Variants in MYO3B observed in about 807,000 individuals in gnomAD.
MYO3B encodes myosin-IIIb.
MYO3B carries 156 observed loss-of-function variants against 174.6 expected under a neutral mutation model. The ratio of observed to expected loss-of-function variants is 0.89; its 90% CI spans 0.78 to 1.02. The LOEUF (loss-of-function observed/expected upper bound fraction) is 1.02. Among genes scored for constraint, MYO3B ranks in the 50% least tolerant of loss-of-function variants. The pLI is 0.00. For synonymous variants in MYO3B, 563 were observed against 569.1 expected, an observed-to-expected ratio of 0.99 and a Z score of 0.15; for missense variants, 1,632 against 1,639.4, an observed-to-expected ratio of 1.00 and a Z score of 0.08.
intron 17 of MYO3B, among the ~76,000 whole-genome samples, chr2:170,400,657 C>CG (rs1491374145): frequency 7.6e-6 from 1 of 131,816 alleles, no homozygotes; most frequent in Non-Finnish European, 1.8e-5. Flanking sequence ...CCCCCCCCCC[C>CG]TCGGCCTCCC....
chr2:170,451,234 G>A (rs914586339), intron 23 of MYO3B, among the ~76,000 whole-genome samples: 1 of 152,112 alleles, frequency 6.6e-6, no homozygotes, highest in Non-Finnish European at 1.5e-5. Flanking sequence ...TTTCATTTTT[G>A]GTGAAAAGCC....
chr2:170,280,941 AGT>A (rs1559356416), intron 7 of MYO3B, among the ~76,000 whole-genome samples: 1 of 152,088 alleles, frequency 6.6e-6, no homozygotes, highest in African/African-American at 2.4e-5. Context: ...TTTGCTTAGG[AGT>A]GCCTTGGCTA....
At chr2:170,195,946 ATTTG>A (rs1267092894) in intron 1 of MYO3B, among the ~76,000 whole-genome samples, 3 of 152,136 alleles carry the variant, frequency 2.0e-5, no homozygotes, top group Non-Finnish European at 4.4e-5. Context: ...ATACCTAAAA[ATTTG>A]TTTCTCTACC....
chr2:170,331,924 T>G (rs558064386), intron 7 of MYO3B, among the ~76,000 whole-genome samples: 1 of 152,308 alleles, frequency 6.6e-6, no homozygotes, highest in African/African-American at 2.4e-5. Context: ...TGCCTCCCTC[T>G]TCCACTTTAA....
chr2:170,608,733 C>T (rs1575240618), intron 32 of MYO3B, among the ~76,000 whole-genome samples: 1 of 152,090 alleles, frequency 6.6e-6, no homozygotes, highest in African/African-American at 2.4e-5. Context: ...TTCAGCACTT[C>T]CAGCCTCTCA....
chr2:170,540,136 A>G (rs1440793693), intron 30 of MYO3B, among the ~76,000 whole-genome samples: 1 of 152,122 alleles, frequency 6.6e-6, no homozygotes, highest in Non-Finnish European at 1.5e-5. Context: ...AGCCTGTGCA[A>G]TATAGTGAGA....
At chr2:170,458,681 T>G (rs1684052512) in intron 23 of MYO3B, among the ~76,000 whole-genome samples, 1 of 152,202 alleles carries the variant, frequency 6.6e-6, no homozygotes, top group South Asian at 2.1e-4. Context: ...TTTGGAGTTT[T>G]GGGGCTGGCT....
intron 7 of MYO3B, among the ~76,000 whole-genome samples, chr2:170,303,703 T>C (rs1449042496): frequency 6.6e-6 from 1 of 152,152 alleles, no homozygotes; most frequent in Non-Finnish European, 1.5e-5. Flanking sequence ...AATCTCTCCA[T>C]TACATGGAGC....
chr2:170,462,241 AT>A (rs1684339476), intron 23 of MYO3B, among the ~76,000 whole-genome samples: 1 of 152,244 alleles, frequency 6.6e-6, no homozygotes, highest in Non-Finnish European at 1.5e-5. Flanking sequence ...CGTGCAGCTC[AT>A]TAAAATAAAG....
At chr2:170,282,901 C>A (rs1046721501) in intron 7 of MYO3B, among the ~76,000 whole-genome samples, 1 of 152,220 alleles carries the variant, frequency 6.6e-6, no homozygotes, top group African/African-American at 2.4e-5. Flanking sequence ...TACTTTGGCT[C>A]CCCTTTCCCC....
At chr2:170,496,349 C>T (rs1686854333) in intron 25 of MYO3B, among the ~76,000 whole-genome samples, 1 of 152,118 alleles carries the variant, frequency 6.6e-6, no homozygotes, top group Non-Finnish European at 1.5e-5. Context: ...GGAGGGATAT[C>T]TTTCACATTT....
chr2:170,363,364 T>C (rs2094175678), intron 8 of MYO3B, among the ~76,000 whole-genome samples: 1 of 152,160 alleles, frequency 6.6e-6, no homozygotes, highest in African/African-American at 2.4e-5. Context: ...TTTTATTCAT[T>C]GGTAAACAAC....
chr2:170,634,742 G>A (rs536417612), intron 32 of MYO3B, among the ~76,000 whole-genome samples: 1 of 152,186 alleles, frequency 6.6e-6, no homozygotes, highest in Admixed American at 6.5e-5. Flanking sequence ...CTGAAATCCA[G>A]AATCTACAAA....
At chr2:170,559,753 T>A (rs1469041727) in intron 32 of MYO3B, among the ~76,000 whole-genome samples, 2 of 152,162 alleles carry the variant, frequency 1.3e-5, no homozygotes, top group Non-Finnish European at 2.9e-5. Flanking sequence ...CACTCTATCC[T>A]AGACTAGAGC....
At chr2:170,585,100 G>C (rs1693413641) in intron 32 of MYO3B, among the ~76,000 whole-genome samples, 1 of 152,164 alleles carries the variant, frequency 6.6e-6, no homozygotes, top group Non-Finnish European at 1.5e-5. Flanking sequence ...ATTGTTCTGG[G>C]GTGTGGCCTG....
At chr2:170,472,754 T>C (rs1441158034) in intron 25 of MYO3B, among the ~76,000 whole-genome samples, 1 of 151,958 alleles carries the variant, frequency 6.6e-6, no homozygotes, top group Non-Finnish European at 1.5e-5. Context: ...CAGGCTGGAA[T>C]GCAGTGGCAC....
At chr2:170,578,827 G>C (rs1319028511) in intron 32 of MYO3B, among the ~76,000 whole-genome samples, 2 of 152,250 alleles carry the variant, frequency 1.3e-5, no homozygotes, top group East Asian at 3.8e-4. Context: ...ATTACGCAGA[G>C]GGCCTTGAAA....
At position 170,482,144 on chromosome 2, in the gene MYO3B, G is replaced by T. The variant is rs1383398412; in HGVS notation, c.3014+15433G>T. 2.7e-5 allele frequency among the ~76,000 whole-genome samples: 4 copies of T among 150,612 alleles called. No homozygotes were observed. The East Asian group carries it at 8.0e-4, about 30-fold the overall frequency. On this transcript the variant is annotated intron_variant, in intron 25 of 34. Coordinates refer to ENST00000408978, the MANE Select transcript of MYO3B (RefSeq NM_138995.5). The stretch of plus-strand genomic sequence containing the variant: ...TGGTTTTAAAAAGGGGAGTTTTCCT[G>T]CACAAGTTCTCTCTCTTTTTTTTTT...
At position 170,407,740 on chromosome 2, in the gene MYO3B, T is replaced by A. The variant is rs1391590440; in HGVS notation, c.2546T>A (p.Leu849His). The A allele has an allele frequency of 1.2e-6, 2 of 1,614,092 alleles. No individual in the cohort carries two copies. The highest frequency in any genetic ancestry group is 1.7e-6 in the Non-Finnish European group (2 of 1,179,960). The change falls in exon 22 of 35, where the codon CTT (leucine) becomes CAT (histidine). Residue 849 changes from leucine (L) to histidine (H), a missense_variant. Coordinates refer to ENST00000408978, the MANE Select transcript of MYO3B (RefSeq NM_138995.5). ...GKVLYDASGV[L>H]EKNRDTLPAD... Reference sequence around the variant, plus strand: ...GTATTATATGATGCTTCTGGGGTTCTTGAGAAAAATAGAGACACTCTCCCT... The same window carrying A: ...GTATTATATGATGCTTCTGGGGTTCATGAGAAAAATAGAGACACTCTCCCT...
Sources: gnomAD v4.1 joint callset for allele counts (sites outside exome capture counted in the v4.1 genomes callset) on GRCh38, gnomAD v4.1.1 for gene constraint, MANE v1.5 for transcripts, NCBI Gene and HGNC (gene_info 2026-07-23, HGNC 2026-07-21) for gene names.